Variants in TGM1 observed in about 807,000 individuals in gnomAD.
TGM1 encodes transglutaminase 1.
Under a neutral mutation model 88.7 loss-of-function variants are expected in TGM1, and 63 were observed. The ratio of observed to expected loss-of-function variants is 0.71; its 90% CI spans 0.58 to 0.88. The LOEUF is 0.88. Ranked by LOEUF, TGM1 falls within the 40% of genes least tolerant of loss-of-function variation. The pLI is 0.00. For missense variants in TGM1, 996 were observed against 1,118.0 expected, an observed-to-expected ratio of 0.89 and a Z score of 1.56; for synonymous variants, 415 against 431.1, an observed-to-expected ratio of 0.96 and a Z score of 0.46.
rs572832245 is a variant in TGM1 at position 24,258,564 on chromosome 14, G to T, written c.1269C>A (p.Pro423=). The T allele has an allele frequency of 6.2e-7, 1 of 1,614,058 alleles. No individual in the cohort carries two copies. The highest frequency in any genetic ancestry group is 1.3e-5 in the African/African-American group (1 of 74,928). ...CAGAATCATGGTTCAGGTGCTCCAGGGGCTTCATGTTCTCGTCGAAGTAGA... is the reference window on the plus strand; with the variant it reads ...CAGAATCATGGTTCAGGTGCTCCAGTGGCTTCATGTTCTCGTCGAAGTAGA... ...MDIYFDENMK[P]LEHLNHDSVW... Residue 423 remains proline, a synonymous_variant, in exon 8 of 15, where the codon CCC becomes CCA. Coordinates refer to ENST00000206765, the MANE Select transcript of TGM1 (RefSeq NM_000359.3).
chr14:24,249,803 A>C (rs1351506149), intron 14 of TGM1, among the ~76,000 whole-genome samples: 1 of 152,084 alleles, frequency 6.6e-6, no homozygotes, highest in Non-Finnish European at 1.5e-5. Flanking sequence ...ATCCACCTGG[A>C]CAAAGACTGC....
rs1325894326 is a variant in TGM1, at chr14:24,262,270, T to G, written c.83A>C (p.Glu28Ala). 6.2e-7 allele frequency: 1 copy of G among 1,613,784 alleles called. No homozygotes were observed. Residue 28 changes from glutamate to alanine, a missense_variant, in exon 2 of 15, where the codon GAG (glutamate) becomes GCG (alanine). Glu to Ala is a moderately radical substitution (Grantham distance 107, BLOSUM62 -1). Coordinates refer to ENST00000206765, the MANE Select transcript of TGM1 (RefSeq NM_000359.3). ...GCGAGAGCGTCCGTCTGGCTCTGGC[T>G]CTGGCTCTGGAGATGGCGTGGTAGG... ...QPPTTPSPEP[E>A]PEPDGRSRRG...
chr14:24,261,464 C>A (rs1476122507), intron 3 of TGM1, among the ~76,000 whole-genome samples: 3 of 152,166 alleles, frequency 2.0e-5, no homozygotes, highest in African/African-American at 7.2e-5. Context: ...GAGGAGTACT[C>A]TGAGACCGAT....
rs1463129797 is a variant in TGM1, at chr14:24,262,279, G to A, written c.74C>T (p.Pro25Leu). Residue 25 changes from proline (P) to leucine (L), a missense_variant, in exon 2 of 15, where the codon CCA becomes CTA. By Grantham distance (98) the Pro-to-Leu change is moderately conservative. Coordinates refer to ENST00000206765, the MANE Select transcript of TGM1 (RefSeq NM_000359.3). ...TCCGTCTGGCTCTGGCTCTGGCTCTGGAGATGGCGTGGTAGGGGGCTGCAA... is the reference window on the plus strand; with the variant it reads ...TCCGTCTGGCTCTGGCTCTGGCTCTAGAGATGGCGTGGTAGGGGGCTGCAA... The part of the protein sequence containing the change: ...NPLQPPTTPS[P>L]EPEPEPDGRS... 2 of 1,613,622 alleles carry A rather than the reference G, an allele frequency of 1.2e-6. No homozygotes were observed. Among genetic ancestry groups the A allele is most frequent in the Non-Finnish European group, 1.7e-6 (2 of 1,180,030 alleles).
rs2040736026 is a variant in TGM1 at position 24,254,971 on chromosome 14, C to T, written c.1927+1G>A. 2 of 1,613,620 alleles carry T rather than the reference C, an allele frequency of 1.2e-6. No homozygotes were observed. Among genetic ancestry groups the T allele is most frequent in the Non-Finnish European group, 1.7e-6 (2 of 1,180,026 alleles). On this transcript the variant is annotated splice_donor_variant, in intron 12 of 14. Coordinates refer to ENST00000206765, the MANE Select transcript of TGM1 (RefSeq NM_000359.3). LOFTEE classifies it high-confidence loss of function. ...GGCAGGGCTGGGTAAGGAGCACTTA[C>T]AGGCCCCTGGTGCCAGCTCCACTTC...
At position 24,254,997 on chromosome 14, in the gene TGM1, C is replaced by T. The variant is rs2040736368; in HGVS notation, c.1902G>A (p.Lys634=). Residue 634 remains lysine, a synonymous_variant, in exon 12 of 15, where the codon AAG becomes AAA. Coordinates refer to ENST00000206765, the MANE Select transcript of TGM1 (RefSeq NM_000359.3). ...AGGCCCCTGGTGCCAGCTCCACTTC[C>T]TTCTTGGTCTCCTTGAAGATGGTAC... ...VSGTIFKETK[K]EVELAPGASD... is the part of the protein sequence containing the mutation. 1 of 1,613,844 alleles carries T rather than the reference C, an allele frequency of 6.2e-7. No homozygotes were observed. Among genetic ancestry groups the T allele is most frequent in the South Asian group, 1.1e-5 (1 of 91,088 alleles).
rs759392769 is a variant in TGM1, at chr14:24,249,516, T to G, written c.2251A>C (p.Thr751Pro). 3 of 1,614,072 alleles carry G rather than the reference T, an allele frequency of 1.9e-6. No individual in the cohort carries two copies. The highest frequency in any genetic ancestry group is 2.5e-6 in the Non-Finnish European group (3 of 1,179,994). The part of the protein sequence containing the change: ...VGDIGGNETV[T>P]LRQSFVPVRP... Reference sequence around the variant, plus strand: ...ACAGGCACAAACGACTGGCGCAGTGTCACTGTTTCATTGCCTCCAATGTCC... The same window carrying G: ...ACAGGCACAAACGACTGGCGCAGTGGCACTGTTTCATTGCCTCCAATGTCC... Residue 751 changes from threonine (T) to proline (P), a missense_variant, in exon 15 of 15, where the codon ACA (threonine) becomes CCA (proline). Thr to Pro is a conservative substitution (Grantham distance 38). Transcript: ENST00000206765.
chr14:24,249,985 G>A (rs1307639478), intron 14 of TGM1, among the ~76,000 whole-genome samples: 1 of 152,116 alleles, frequency 6.6e-6, no homozygotes, highest in Non-Finnish European at 1.5e-5. Context: ...AAGAGCATAG[G>A]TTGAAGAAAA....
At chr14:24,250,410 G>A (rs1401834633) in intron 14 of TGM1, among the ~76,000 whole-genome samples, 1 of 151,968 alleles carries the variant, frequency 6.6e-6, no homozygotes, top group Non-Finnish European at 1.5e-5. Context: ...TGCTCCTTTG[G>A]TGCTTGTGGC....
At chr14:24,256,360 C>A (rs773061716) in intron 9 of TGM1, among the ~76,000 whole-genome samples, 2 of 152,228 alleles carry the variant, frequency 1.3e-5, no homozygotes, top group African/African-American at 2.4e-5. Context: ...GGGCAGGGTA[C>A]AGATGTGCGG....
intron 3 of TGM1, 149 bp downstream of exon 3, chr14:24,261,546 C>T (rs2040808512): frequency 9.9e-7 from 1 of 1,013,652 alleles, no homozygotes; most frequent in African/African-American, 1.6e-5. Flanking sequence ...GACACAACCC[C>T]AGGGGCACAC....
At position 24,249,546 on chromosome 14, in the gene TGM1, G is replaced by A. The variant is rs1455657062; in HGVS notation, c.2226-5C>T. The A allele has an allele frequency of 6.2e-7, 1 of 1,612,586 alleles. No homozygotes were observed. On this transcript the variant is annotated splice_polypyrimidine_tract_variant and splice_region_variant and intron_variant, in intron 14 of 14. Transcript: ENST00000206765. Reference sequence around the variant, plus strand: ...GTTTCATTGCCTCCAATGTCCCTGTGGGCAGAGACAAGGTCATGGGCCTGG... The same window carrying A: ...GTTTCATTGCCTCCAATGTCCCTGTAGGCAGAGACAAGGTCATGGGCCTGG...
At position 24,259,781 on chromosome 14, in the gene TGM1, A is replaced by C; in HGVS notation, c.907T>G (p.Tyr303Asp). ...GGCATCCCCCGCCGGTCCAGGATGT[A>C]TAAGCAGGCATCCAGCACCCCGTGG... ...FDHGVLDACL[Y>D]ILDRRGMPYG... is the part of the protein sequence containing the mutation. Residue 303 changes from tyrosine to aspartate, a missense_variant, in exon 6 of 15, where the codon TAC becomes GAC. Tyr to Asp is a radical substitution (Grantham distance 160). Transcript: ENST00000206765. The surrounding 1 kb of genome is among the most constrained non-coding windows in gnomAD (Gnocchi z 5.7). 6.2e-7 allele frequency: 1 copy of C among 1,613,290 alleles called. No homozygotes were observed. Among genetic ancestry groups the C allele is most frequent in the Non-Finnish European group, 8.5e-7 (1 of 1,179,900 alleles).
In TGM1 at chr14:24,254,818, C is replaced by G. The variant is rs139837741; in HGVS notation, c.1934G>C (p.Arg645Pro). 3.1e-6 allele frequency: 5 copies of G among 1,613,688 alleles called. No homozygotes were observed. Among genetic ancestry groups the G allele is most frequent in the Non-Finnish European group, 4.2e-6 (5 of 1,180,040 alleles). Residue 645 changes from arginine (R) to proline (P), a missense_variant, in exon 13 of 15, where the codon CGT (arginine) becomes CCT (proline). Physicochemically the swap from Arg to Pro is moderately radical, Grantham distance 103. Transcript: ENST00000206765. ...CTTGTAGGCCACTGGCATGGTCACACGGTCCGCTGTGGAGAAGAGGCATGG... is the reference window on the plus strand; with the variant it reads ...CTTGTAGGCCACTGGCATGGTCACAGGGTCCGCTGTGGAGAAGAGGCATGG... ...EVELAPGASD[R>P]VTMPVAYKEY...
rs1265256773 is a variant in TGM1 at position 24,254,158 on chromosome 14, T to C, written c.2219A>G (p.Asn740Ser). ...GSGLQRPKIL[N>S]VGDIGGNETV... ...GGGGAGAGGCCAGACTCACCCAACGTTGAGGATCTTGGGCCTCTGTAACCC... is the reference window on the plus strand; with the variant it reads ...GGGGAGAGGCCAGACTCACCCAACGCTGAGGATCTTGGGCCTCTGTAACCC... The change falls in exon 14 of 15, where the codon AAC becomes AGC. Residue 740 changes from asparagine to serine, a missense_variant. Physicochemically the swap from Asn to Ser is conservative, Grantham distance 46. Transcript: ENST00000206765. 4.3e-6 allele frequency: 7 copies of C among 1,611,584 alleles called. No individual in the cohort carries two copies. Among genetic ancestry groups the C allele is most frequent in the Non-Finnish European group, 5.9e-6 (7 of 1,178,910 alleles).
chr14:24,260,037 T>C lies in TGM1; in HGVS notation c.779A>G (p.His260Arg). 4 of 1,614,204 alleles carry C rather than the reference T, an allele frequency of 2.5e-6. No individual in the cohort carries two copies. The highest frequency in any genetic ancestry group is 3.4e-6 in the Non-Finnish European group (4 of 1,180,016). Residue 260 changes from histidine to arginine, a missense_variant, in exon 5 of 15, where the codon CAT (histidine) becomes CGT (arginine). Coordinates refer to ENST00000206765, the MANE Select transcript of TGM1 (RefSeq NM_000359.3). ...AACATACTCCTGCCGCCAATCCTCA[T>C]GGTCCACGTACACAATGTCCTCTGT... ...WCPEDIVYVD[H>R]EDWRQEYVLN...
At position 24,252,374 on chromosome 14, in the gene TGM1, C is replaced by T. The variant is rs1198793018; in HGVS notation, c.2225+1778G>A. Among the ~76,000 whole-genome samples, 3 of 152,234 alleles carry T rather than the reference C, an allele frequency of 2.0e-5. No homozygotes were observed. In the East Asian group the frequency reaches 5.8e-4, roughly 29 times the overall value. On this transcript the variant is annotated intron_variant, in intron 14 of 14. Transcript: ENST00000206765. Reference sequence around the variant, plus strand: ...GGTCCCCCAACACTCAGCACAGTGGCCCTTTCCTTACTTCCAGGCAGGGCC... The same window carrying T: ...GGTCCCCCAACACTCAGCACAGTGGTCCTTTCCTTACTTCCAGGCAGGGCC...
At chr14:24,258,201 G>A (rs953939917) in intron 9 of TGM1, 84 bp downstream of exon 9, 33 of 1,217,726 alleles carry the variant, frequency 2.7e-5, no homozygotes, top group African/African-American at 1.3e-4. Context: ...TCTCCGGCCC[G>A]GCCCAGCACT....
In TGM1 at chr14:24,249,377, GAGA is replaced by G; in HGVS notation, c.2387_2389del (p.Phe796del). 1.9e-6 allele frequency: 3 copies of G among 1,614,080 alleles called. No individual in the cohort carries two copies. Among genetic ancestry groups the G allele is most frequent in the South Asian group, 1.1e-5 (1 of 91,074 alleles). ...TAAGTGACTGTCACCTCCAGCGTCT[GAGA>G]AGAAGCCCCCATCCCCAGGGGCTGG... On this transcript the variant is annotated inframe_deletion, in exon 15 of 15. Coordinates refer to ENST00000206765, the MANE Select transcript of TGM1 (RefSeq NM_000359.3).
Sources: gnomAD v4.1 joint callset for allele counts (sites outside exome capture counted in the v4.1 genomes callset) on GRCh38, gnomAD v4.1.1 for gene constraint, Gnocchi (gnomAD v3.1) non-coding constraint, MANE v1.5 for transcripts, NCBI Gene and HGNC (gene_info 2026-07-23, HGNC 2026-07-21) for gene names.